DNHD1: variants seen among roughly 807,000 people sequenced by gnomAD.
DNHD1 encodes the protein dynein heavy chain domain-containing protein 1.
In DNHD1, 383 loss-of-function variants were observed where a neutral mutation model predicts 458.1. That is an observed-to-expected ratio of 0.84 (90% confidence interval 0.77 to 0.91). DNHD1 has a LOEUF of 0.91. DNHD1 is among the 40% of genes least tolerant of loss of function. The pLI, the probability that DNHD1 is intolerant of heterozygous loss-of-function variation, is 0.00. For missense variants in DNHD1, 5,336 were observed against 5,866.1 expected (o/e 0.91, Z 2.95); for synonymous variants, 2,203 against 2,376.9 (o/e 0.93, Z 2.13).
chr11:6,552,732 C>T (rs1853386347), intron 24 of DNHD1, among the ~76,000 whole-genome samples: 1 of 151,982 alleles, frequency 6.6e-6, no homozygotes, highest in African/African-American at 2.4e-5. Context: ...ATGGGGGAAG[C>T]CGGCCCCGTG....
intron 39 of DNHD1, among the ~76,000 whole-genome samples, chr11:6,569,155 G>A (rs1005387262): frequency 6.6e-6 from 1 of 152,146 alleles, no homozygotes; most frequent in Non-Finnish European, 1.5e-5. Context: ...TGTTGAGGAG[G>A]GAGAAGTAAG....
rs1853506582 is a variant in DNHD1, at chr11:6,558,041, C to T, written c.8746C>T (p.Pro2916Ser). The change falls in exon 25 of 43, where the codon CCA (proline) becomes TCA (serine). Residue 2916 changes from proline to serine, a missense_variant. By Grantham distance (74) the Pro-to-Ser change is moderately conservative (BLOSUM62 -1). Coordinates refer to ENST00000254579, the MANE Select transcript of DNHD1 (RefSeq NM_144666.3). ...TTGTCAGGCCCATTTCTTTCATCTA[C>T]CATCTGGGTCAGAGGAGGCCATTCT... is the stretch of plus-strand genomic sequence containing the variant. ...SICQAHFFHLPSGSEEAILQC... is the reference protein window; with the variant it reads ...SICQAHFFHLSSGSEEAILQC... 1 of 1,551,620 alleles carries T rather than the reference C, an allele frequency of 6.4e-7. No homozygotes were observed. The highest frequency in any genetic ancestry group is 1.4e-5 in the African/African-American group (1 of 73,046).
At chr11:6,550,106 T>C (rs1853308603) in intron 24 of DNHD1, among the ~76,000 whole-genome samples, 1 of 152,248 alleles carries the variant, frequency 6.6e-6, no homozygotes, top group Non-Finnish European at 1.5e-5. Flanking sequence ...ATTTATTGAA[T>C]ATCTACTATG....
In DNHD1 at chr11:6,547,223, T is replaced by C; in HGVS notation, c.6284T>C (p.Leu2095Pro). 4 of 1,551,828 alleles carry C rather than the reference T, an allele frequency of 2.6e-6. No homozygotes were observed. Among genetic ancestry groups the C allele is most frequent in the Non-Finnish European group, 3.5e-6 (4 of 1,147,016 alleles). ...ICDGASNGAW[L>P]DSITCLLSEL... ...GATGGAGCCTCCAATGGTGCTTGGC[T>C]GGACTCCATCACTTGCCTCCTGAGT... The change falls in exon 21 of 43, where the codon CTG (leucine) becomes CCG (proline). Residue 2095 changes from leucine (L) to proline (P), a missense_variant. By Grantham distance (98) the Leu-to-Pro change is moderately conservative (BLOSUM62 -3). Around this residue, in one of 4 missense-constraint regions of DNHD1, gnomAD observed 3,932 missense variants for 4,365.6 expected, o/e 0.90. Transcript: ENST00000254579.
intron 25 of DNHD1, 79 bp downstream of exon 25, chr11:6,558,376 G>A: frequency 1.3e-6 from 2 of 1,531,622 alleles, no homozygotes; most frequent in South Asian, 2.4e-5. Flanking sequence ...AATTCTGTGG[G>A]CTGCCATGAG....
rs1852209268 is a variant in DNHD1 at position 6,505,286 on chromosome 11, G to A, written c.920+2360G>A. Among the ~76,000 whole-genome samples, 2 of 151,720 alleles carry A rather than the reference G, an allele frequency of 1.3e-5. No homozygotes were observed. On this transcript the variant is annotated intron_variant, in intron 4 of 42. Transcript: ENST00000254579. This position sits in a 1 kb window ranked among gnomAD's most constrained non-coding sequence, Gnocchi z 4.4. ...TTTTAAGATGGAGTCTCACTCTGTT[G>A]CCTAGGCTGGAGTGCCATGGCGATC...
chr11:6,497,914 G>A lies in DNHD1; in HGVS notation c.-302G>A. On this transcript the variant is annotated 5_prime_UTR_variant, in exon 3 of 43. Coordinates refer to ENST00000254579, the MANE Select transcript of DNHD1 (RefSeq NM_144666.3). ...AAGGAGGGCTCTCACGTCTGTCTTA[G>A]GCCTGCTCCTTACCAGAGTCTTTGG... The A allele has an allele frequency of 4.5e-6, 2 of 443,366 alleles. No homozygotes were observed. The highest frequency in any genetic ancestry group is 8.3e-6 in the Non-Finnish European group (2 of 241,992). The allele number at this position is 443,366 out of a possible 1,614,324, so 27.5% of individuals were successfully genotyped here. A position where few individuals can be genotyped will look rare whatever the true frequency, so the allele number is the denominator to read the frequency against.
intron 10 of DNHD1, among the ~76,000 whole-genome samples, chr11:6,524,203 G>A (rs1852662128): frequency 6.6e-6 from 1 of 152,110 alleles, no homozygotes; most frequent in South Asian, 2.1e-4. Flanking sequence ...TAGAATCACT[G>A]CTCTTCAAGC....
At chr11:6,553,179 A>G (rs1490347545) in intron 24 of DNHD1, among the ~76,000 whole-genome samples, 3 of 152,248 alleles carry the variant, frequency 2.0e-5, no homozygotes, top group Non-Finnish European at 4.4e-5. Context: ...AACGGAGTCT[A>G]TCCTGGGAAG....
At position 6,563,847 on chromosome 11, in the gene DNHD1, A is replaced by G. The variant is rs1853635259; in HGVS notation, c.10007A>G (p.Tyr3336Cys). Reference protein sequence around the residue: ...LAAWLWAVLHYGLAHCRGLPT... With the variant: ...LAAWLWAVLHCGLAHCRGLPT... ...GCCTGGCTCTGGGCTGTTCTGCACT[A>G]TGGGCTGGCGCATTGCCGGGGACTG... is the stretch of plus-strand genomic sequence containing the variant. The change falls in exon 31 of 43, where the codon TAT becomes TGT. Residue 3336 changes from tyrosine to cysteine, a missense_variant. Coordinates refer to ENST00000254579, the MANE Select transcript of DNHD1 (RefSeq NM_144666.3). 1.3e-6 allele frequency: 2 copies of G among 1,551,552 alleles called. No individual in the cohort carries two copies. The highest frequency in any genetic ancestry group is 1.4e-5 in the African/African-American group (1 of 73,060).
Position 6,539,259 on chromosome 11 carries a change from G to A in DNHD1, c.3366G>A (p.Thr1122=), listed in dbSNP as rs1010215069. Residue 1122 remains threonine, a synonymous_variant, in exon 17 of 43, where the codon ACG becomes ACA. Coordinates refer to ENST00000254579, the MANE Select transcript of DNHD1 (RefSeq NM_144666.3). Reference sequence around the variant, plus strand: ...GTCTCCAAACTATAGAACTCCTAACGCTGGGCCAGCTGCTTACTTATCCAC... The same window carrying A: ...GTCTCCAAACTATAGAACTCCTAACACTGGGCCAGCTGCTTACTTATCCAC... The part of the protein sequence containing the change: ...LGSLQTIELL[T]LGQLLTYPLL... 9 of 1,551,508 alleles carry A rather than the reference G, an allele frequency of 5.8e-6. No individual in the cohort carries two copies. The highest frequency in any genetic ancestry group is 1.7e-4 in the Middle Eastern group (1 of 6,010).
intron 7 of DNHD1, among the ~76,000 whole-genome samples, chr11:6,517,645 A>G (rs1852504900): frequency 7.7e-6 from 1 of 129,272 alleles, no homozygotes. Context: ...TGTATGATCT[A>G]GGACTTCTTT....
Position 6,564,626 on chromosome 11 carries a change from C to T in DNHD1, c.10578C>T (p.Asn3526=), listed in dbSNP as rs947396233. The T allele has an allele frequency of 6.4e-6, 10 of 1,551,714 alleles. 1 individual carries two copies. The South Asian group carries it at 1.1e-4, about 17-fold the overall frequency. The change falls in exon 32 of 43, where the codon AAC becomes AAT. Residue 3526 remains asparagine, a synonymous_variant. Transcript: ENST00000254579. The part of the protein sequence containing the change: ...SESEQYQWDG[N]LKPQAKSAHL... ...CGGAGCAGTACCAGTGGGATGGAAA[C>T]CTGAAGCCACAGGCAAAGTCGGCCC...
rs1487297731 is a variant in DNHD1 at position 6,557,858 on chromosome 11, C to T, written c.8563C>T (p.Gln2855Ter). ...LEEQLATSAAQLKLSPHLARC... is the reference protein window; with the variant it reads ...LEEQLATSAA ...GGAGCAGTTGGCCACCTCAGCTGCTCAACTGAAGTTGAGCCCCCACCTGGC... is the reference window on the plus strand; with the variant it reads ...GGAGCAGTTGGCCACCTCAGCTGCTTAACTGAAGTTGAGCCCCCACCTGGC... Residue 2855 changes from glutamine (Q) to a stop codon, truncating the protein, a stop_gained, in exon 25 of 43, where the codon CAA (glutamine) becomes TAA (stop). Coordinates refer to ENST00000254579, the MANE Select transcript of DNHD1 (RefSeq NM_144666.3). LOFTEE classifies it high-confidence loss of function. 3.2e-6 allele frequency: 5 copies of T among 1,551,110 alleles called. No individual in the cohort carries two copies. Among genetic ancestry groups the T allele is most frequent in the Non-Finnish European group, 8.7e-7 (1 of 1,146,954 alleles).
chr11:6,526,912 G>C (rs1405578336), intron 10 of DNHD1, among the ~76,000 whole-genome samples: 1 of 152,166 alleles, frequency 6.6e-6, no homozygotes, highest in African/African-American at 2.4e-5. Context: ...CTGTTTGGGG[G>C]TTTTCTTATT....
intron 40 of DNHD1, 40 bp from the exon 41 acceptor site, chr11:6,570,207 T>C (rs769509969): frequency 1.2e-6 from 2 of 1,611,876 alleles, no homozygotes; most frequent in East Asian, 2.2e-5. Context: ...TGGTGGAAAC[T>C]GAAGGTACTG....
Position 6,566,442 on chromosome 11 carries a change from G to A in DNHD1, c.11206+49G>A, listed in dbSNP as rs749085790. The stretch of plus-strand genomic sequence containing the variant: ...CAGCACAGTTGTGTGGACACACTAG[G>A]CCCTCAGCACCAGCCCTAAGAGGGC... On this transcript the variant is annotated intron_variant, in intron 34 of 42. Transcript: ENST00000254579. The A allele has an allele frequency of 3.2e-6, 5 of 1,551,214 alleles. No individual in the cohort carries two copies. The African/African-American group carries it at 6.8e-5, about 21-fold the overall frequency.
chr11:6,570,885 C>CG lies in DNHD1; in HGVS notation c.13373_13374insG (p.His4459ProfsTer46). 6.2e-7 allele frequency: 1 copy of CG among 1,613,974 alleles called. No individual in the cohort carries two copies. ...CTGGAGTCACTGCAGGATCTGCTGA[C>CG]CCACGTGATTCGCCAAGACGAGTCC... On this transcript the variant is annotated frameshift_variant, in exon 42 of 43. Transcript: ENST00000254579. LOFTEE classifies it high-confidence loss of function.
chr11:6,530,864 GT>G (rs1352990537), intron 12 of DNHD1, among the ~76,000 whole-genome samples: 1 of 152,172 alleles, frequency 6.6e-6, no homozygotes, highest in Non-Finnish European at 1.5e-5. Context: ...TGTTGTTCTA[GT>G]TTGTTAGCTT....
Sources: gnomAD v4.1 joint callset for allele counts (sites outside exome capture counted in the v4.1 genomes callset) on GRCh38, gnomAD v4.1.1 for gene constraint, gnomAD v4.1.1 regional missense constraint, Gnocchi (gnomAD v3.1) non-coding constraint, MANE v1.5 for transcripts, NCBI Gene and HGNC (gene_info 2026-07-23, HGNC 2026-07-21) for gene names.